The following MARK1 variants were observed in gnomAD, a reference collection of about 807,000 sequenced individuals.
The protein encoded by MARK1 is microtubule affinity regulating kinase 1.
In MARK1, 40 loss-of-function variants were observed where a neutral mutation model predicts 96.3. The ratio of observed to expected loss-of-function variants is 0.42; its 90% CI spans 0.32 to 0.54. The LOEUF is 0.54. Ranked by LOEUF, MARK1 falls within the 20% of genes least tolerant of loss-of-function variation. The pLI, the probability that MARK1 is intolerant of heterozygous loss-of-function variation, is 0.16. For missense variants in MARK1, 719 were observed against 984.6 expected (o/e 0.73, Z 3.61); for synonymous variants, 317 against 341.2 (o/e 0.93, Z 0.78).
chr1:220,611,074 A>G (rs1490979516), intron 6 of MARK1, among the ~76,000 whole-genome samples: 2 of 152,162 alleles, frequency 1.3e-5, no homozygotes, highest in Admixed American at 6.5e-5. Flanking sequence ...TCAGAGCTCA[A>G]ACACCATGCT....
chr1:220,646,488 A>G (rs1474795090), intron 13 of MARK1, among the ~76,000 whole-genome samples: 1 of 152,234 alleles, frequency 6.6e-6, no homozygotes, highest in Admixed American at 6.5e-5. Flanking sequence ...TGCCAAAGCA[A>G]CTTATAAATT....
At position 220,662,603 on chromosome 1, in the gene MARK1, G is replaced by A. The variant is rs1264774337; in HGVS notation, c.*437G>A. On this transcript the variant is annotated 3_prime_UTR_variant, in exon 18 of 18. Coordinates refer to ENST00000366917, the MANE Select transcript of MARK1 (RefSeq NM_018650.5). ...GAAAATTGTGTCCAGAATTAAAAGT[G>A]CATAGAAATAGCCTTTACAATTGTA... The A allele has an allele frequency of 6.3e-6, 1 of 159,116 alleles. No homozygotes were observed. Among genetic ancestry groups the A allele is most frequent in the Non-Finnish European group, 1.4e-5 (1 of 71,718 alleles). The allele number at this position is 159,116 out of a possible 1,614,324, so 9.9% of individuals were successfully genotyped here.
chr1:220,617,374 G>A (rs1303259282), intron 7 of MARK1, among the ~76,000 whole-genome samples: 1 of 152,060 alleles, frequency 6.6e-6, no homozygotes, highest in Non-Finnish European at 1.5e-5. Context: ...TGGGCAGAGT[G>A]CTTGACTCTT....
chr1:220,551,785 T>C (rs531252769), intron 1 of MARK1, among the ~76,000 whole-genome samples: 26 of 152,344 alleles, frequency 1.7e-4, no homozygotes, highest in Admixed American at 5.2e-4. Context: ...ACAGGGCTTG[T>C]TTCTGTAACT....
At chr1:220,603,437 T>A (rs937620987) in intron 5 of MARK1, among the ~76,000 whole-genome samples, 21 of 152,042 alleles carry the variant, frequency 1.4e-4, no homozygotes, top group African/African-American at 5.1e-4. Context: ...GTACAGATAT[T>A]ATGATGATTT....
Position 220,618,758 on chromosome 1 carries a change from A to G in MARK1, c.909+3A>G. 8 of 1,568,914 alleles carry G rather than the reference A, an allele frequency of 5.1e-6. No individual in the cohort carries two copies. The highest frequency in any genetic ancestry group is 6.9e-6 in the Non-Finnish European group (8 of 1,163,770). On this transcript the variant is annotated splice_donor_region_variant and intron_variant, in intron 9 of 17. Transcript: ENST00000366917. The surrounding 1 kb of genome is among the most constrained non-coding windows in gnomAD (Gnocchi z 4.6). ...CAATAAAGAGAGGCAGCTTGGAAGT[A>G]AGTAAATTTTTGTACTCCAAATTTA...
intron 1 of MARK1, among the ~76,000 whole-genome samples, chr1:220,547,901 T>C (rs1424111299): frequency 2.0e-5 from 3 of 152,204 alleles, no homozygotes; most frequent in South Asian, 4.1e-4. Context: ...GTCACACACA[T>C]AATGCTGCAA....
rs1236986816 is a variant in MARK1 at position 220,663,182 on chromosome 1, C to T, written c.*1016C>T. ...TTCTCCTGCTATCCTCTTCATTCAC[C>T]CCTGCCACTGTAATATCTATAAGTA... is the stretch of plus-strand genomic sequence containing the variant. On this transcript the variant is annotated 3_prime_UTR_variant, in exon 18 of 18. Coordinates refer to ENST00000366917, the MANE Select transcript of MARK1 (RefSeq NM_018650.5). 3 of 152,554 alleles carry T rather than the reference C, an allele frequency of 2.0e-5. No individual in the cohort carries two copies. The highest frequency in any genetic ancestry group is 4.4e-5 in the Non-Finnish European group (3 of 68,008). The allele number at this position is 152,554 out of a possible 1,614,324, so 9.5% of individuals were successfully genotyped here.
intron 13 of MARK1, among the ~76,000 whole-genome samples, chr1:220,642,872 G>A (rs1243443910): frequency 1.3e-5 from 2 of 152,142 alleles, no homozygotes; most frequent in Non-Finnish European, 2.9e-5. Flanking sequence ...CGGAAGAGGG[G>A]CCTGAGTGTT....
Position 220,596,612 on chromosome 1 carries a change from T to A in MARK1, c.310-1719T>A, listed in dbSNP as rs573174885. ...TAGCTAGGGAAAGCAAGCTTTTTTG[T>A]AGGAGGTAAGCCTTAAGTCATTTTG... On this transcript the variant is annotated intron_variant, in intron 3 of 17. Coordinates refer to ENST00000366917, the MANE Select transcript of MARK1 (RefSeq NM_018650.5). 1.5e-3 allele frequency among the ~76,000 whole-genome samples: 223 copies of A among 152,274 alleles called. 1 individual carries two copies. Among genetic ancestry groups the A allele is most frequent in the South Asian group, 3.5e-3 (17 of 4,828 alleles).
chr1:220,597,490 T>C (rs1665451677), intron 3 of MARK1, among the ~76,000 whole-genome samples: 1 of 152,206 alleles, frequency 6.6e-6, no homozygotes, highest in South Asian at 2.1e-4. Context: ...TGATTAATAA[T>C]GTTCAACATC....
chr1:220,641,123 A>C (rs1229978186), intron 13 of MARK1, among the ~76,000 whole-genome samples: 1 of 152,246 alleles, frequency 6.6e-6, no homozygotes, highest in East Asian at 1.9e-4. Context: ...TTGAATCAAG[A>C]AAACAATAAA....
At chr1:220,629,644 A>T (rs1384918987) in intron 9 of MARK1, among the ~76,000 whole-genome samples, 1 of 152,138 alleles carries the variant, frequency 6.6e-6, no homozygotes, top group Non-Finnish European at 1.5e-5. Flanking sequence ...CCATTCTATT[A>T]TACTTTATGT....
At chr1:220,584,033 A>G (rs1558276584) in intron 3 of MARK1, among the ~76,000 whole-genome samples, 1 of 151,980 alleles carries the variant, frequency 6.6e-6, no homozygotes, top group Non-Finnish European at 1.5e-5. Context: ...AATATTTTTC[A>G]TAGTTCATAA....
At chr1:220,575,135 G>T (rs2102822247) in intron 1 of MARK1, among the ~76,000 whole-genome samples, 1 of 152,288 alleles carries the variant, frequency 6.6e-6, no homozygotes, top group Middle Eastern at 3.4e-3. Context: ...TCCATGGGAT[G>T]CAGCACTGAA....
At chr1:220,647,946 G>C (rs568169244) in intron 13 of MARK1, among the ~76,000 whole-genome samples, 5 of 151,968 alleles carry the variant, frequency 3.3e-5, no homozygotes, top group Admixed American at 6.6e-5. Context: ...TGCATGCTGG[G>C]CTTAATACCT....
chr1:220,628,996 C>G, intron 9 of MARK1, among the ~76,000 whole-genome samples: 1 of 151,246 alleles, frequency 6.6e-6, no homozygotes, highest in East Asian at 1.9e-4. Context: ...TAAGAGATTC[C>G]AGTTGTTAGA....
At chr1:220,590,298 G>A (rs1433274489) in intron 3 of MARK1, among the ~76,000 whole-genome samples, 2 of 152,036 alleles carry the variant, frequency 1.3e-5, no homozygotes, top group East Asian at 1.9e-4. Context: ...TCTGCTAGTC[G>A]GGCCATCACA....
chr1:220,625,324 A>G (rs1273408938), intron 9 of MARK1, among the ~76,000 whole-genome samples: 4 of 152,238 alleles, frequency 2.6e-5, no homozygotes, highest in Non-Finnish European at 4.4e-5. Context: ...TTATTCATTC[A>G]ATTTACAAAT....
Sources: allele counts gnomAD v4.1 joint callset (sites outside exome capture counted in the v4.1 genomes callset), GRCh38; gene constraint gnomAD v4.1.1; non-coding constraint Gnocchi (gnomAD v3.1); transcripts MANE v1.5; gene names NCBI Gene and HGNC (gene_info 2026-07-23, HGNC 2026-07-21).